The following IREB2 variants were observed in gnomAD, a reference collection of about 807,000 sequenced individuals.
The protein encoded by IREB2 is iron-responsive element-binding protein 2.
Under a neutral mutation model 118.8 loss-of-function variants are expected in IREB2, and 39 were observed. The observed-to-expected ratio is 0.33, with a 90% CI of 0.25 to 0.43. The LOEUF is 0.43. IREB2 is among the 20% of genes least tolerant of loss of function. The probability of loss-of-function intolerance (pLI) is 1.00; values close to 1 mark genes in which losing one functional copy is unlikely to be tolerated. For synonymous variants in IREB2, 372 were observed against 392.2 expected (o/e 0.95, Z 0.61); for missense variants, 900 against 1,147.3 (o/e 0.78, Z 3.11).
intron 2 of IREB2, among the ~76,000 whole-genome samples, chr15:78,443,593 G>A (rs1476211519): frequency 1.3e-5 from 2 of 151,828 alleles, no homozygotes; most frequent in South Asian, 4.2e-4. Flanking sequence ...TTTGCTTGTG[G>A]GGAATCTCCT....
intron 20 of IREB2, among the ~76,000 whole-genome samples, chr15:78,495,174 T>C (rs1285165374): frequency 6.6e-6 from 1 of 152,220 alleles, no homozygotes; most frequent in Non-Finnish European, 1.5e-5. Context: ...ACAGATACCA[T>C]GCAGGCCTCA....
At chr15:78,478,668 T>G (rs1468011135) in intron 10 of IREB2, among the ~76,000 whole-genome samples, 1 of 152,156 alleles carries the variant, frequency 6.6e-6, no homozygotes, top group East Asian at 1.9e-4. Flanking sequence ...ATTGTGCCAC[T>G]GCACTCTAGA....
Position 78,498,316 on chromosome 15 carries a change from T to A in IREB2, c.*173T>A. On this transcript the variant is annotated 3_prime_UTR_variant, in exon 22 of 22. Coordinates refer to ENST00000258886, the MANE Select transcript of IREB2 (RefSeq NM_004136.4). ...AACTGAAATGAAATCTTCTTGATTT[T>A]AAATAATATACGAATGGTGCTATTA... is the stretch of plus-strand genomic sequence containing the variant. The A allele has an allele frequency of 2.1e-6, 1 of 475,110 alleles. No homozygotes were observed. The highest frequency in any genetic ancestry group is 3.4e-5 in the South Asian group (1 of 29,580). The allele number at this position is 475,110 out of a possible 1,614,324, so 29.4% of individuals were successfully genotyped here.
intron 11 of IREB2, among the ~76,000 whole-genome samples, chr15:78,484,469 A>T (rs969839122): frequency 6.6e-6 from 1 of 152,172 alleles, no homozygotes; most frequent in African/African-American, 2.4e-5. Context: ...ATAAACAGGG[A>T]TGATTAAGAA....
intron 5 of IREB2, among the ~76,000 whole-genome samples, chr15:78,467,274 G>T (rs991932282): frequency 1.3e-5 from 2 of 151,046 alleles, no homozygotes; most frequent in East Asian, 1.9e-4. Context: ...TTCAAATCTA[G>T]TAAGTCCTTC....
At chr15:78,448,931 A>G (rs1465968832) in intron 2 of IREB2, among the ~76,000 whole-genome samples, 2 of 152,194 alleles carry the variant, frequency 1.3e-5, no homozygotes, top group African/African-American at 2.4e-5. Flanking sequence ...CCCTATGGGT[A>G]ATTTCTTCAC....
At chr15:78,484,279 T>G (rs1348426400) in intron 11 of IREB2, among the ~76,000 whole-genome samples, 1 of 152,178 alleles carries the variant, frequency 6.6e-6, no homozygotes, top group Non-Finnish European at 1.5e-5. Flanking sequence ...GTGTTAAACT[T>G]GTACAAAAAC....
At chr15:78,472,401 C>G (rs963546485) in intron 7 of IREB2, among the ~76,000 whole-genome samples, 1 of 150,722 alleles carries the variant, frequency 6.6e-6, no homozygotes, top group East Asian at 1.9e-4. Flanking sequence ...GCATCTTGCT[C>G]TGTCACCCAG....
rs189535848 is a variant in IREB2, at chr15:78,438,330, C to T, written c.-8C>T. ...CCCCTCCCCGGAGGGATAATATGGT[C>T]TCCGGCGATGGACGCCCCAAAAGCA... On this transcript the variant is annotated 5_prime_UTR_variant, in exon 1 of 22. Transcript: ENST00000258886. The T allele has an allele frequency of 3.4e-5, 54 of 1,591,422 alleles. No individual in the cohort carries two copies. The East Asian group carries it at 1.2e-3, about 35-fold the overall frequency.
chr15:78,460,756 T>C (rs572681320), intron 2 of IREB2, among the ~76,000 whole-genome samples: 15 of 152,124 alleles, frequency 9.9e-5, no homozygotes, highest in Non-Finnish European at 1.8e-4. Flanking sequence ...AAGAGAAAAA[T>C]AAATCATGAG....
chr15:78,469,800 T>A (rs904192949), intron 5 of IREB2, among the ~76,000 whole-genome samples: 4 of 152,154 alleles, frequency 2.6e-5, no homozygotes. Flanking sequence ...CACGTATAAT[T>A]TAAGTTATAT....
rs1302452369 is a variant in IREB2 at position 78,490,761 on chromosome 15, G to A, written c.2324G>A (p.Gly775Asp). The A allele has an allele frequency of 1.2e-6, 2 of 1,613,664 alleles. No individual in the cohort carries two copies. The highest frequency in any genetic ancestry group is 2.7e-5 in the African/African-American group (2 of 74,876). ...SAAAKYLTNR[G>D]LTPREFNSYG... is the part of the protein sequence containing the mutation. ...GCCGCTAAGTATTTGACAAACAGAG[G>A]GTATGTGTACATGGCTTTAGAGTGT... Residue 775 changes from glycine (G) to aspartate (D), a missense_variant and splice_region_variant, in exon 18 of 22, where the codon GGC becomes GAC. By Grantham distance (94) the Gly-to-Asp change is moderately conservative. Transcript: ENST00000258886.
At chr15:78,440,616 C>G (rs1390926499) in intron 2 of IREB2, among the ~76,000 whole-genome samples, 1 of 152,176 alleles carries the variant, frequency 6.6e-6, no homozygotes, top group Non-Finnish European at 1.5e-5. Context: ...ATGCATCTGC[C>G]TCAGCCTCAC....
chr15:78,467,206 C>T (rs1329156628), intron 5 of IREB2, among the ~76,000 whole-genome samples: 4 of 86,868 alleles, frequency 4.6e-5, no homozygotes, highest in Non-Finnish European at 1.0e-4. Flanking sequence ...GTGAGACTGT[C>T]GCAAAAAAAA....
intron 2 of IREB2, among the ~76,000 whole-genome samples, chr15:78,446,113 A>G (rs1247820043): frequency 6.6e-6 from 1 of 152,090 alleles, no homozygotes; most frequent in East Asian, 1.9e-4. Flanking sequence ...TTTTGACTGC[A>G]CTTGTCAGGA....
Position 78,438,462 on chromosome 15 carries a change from C to T in IREB2, c.19+106C>T, listed in dbSNP as rs570094634. The T allele has an allele frequency of 2.8e-5, 36 of 1,304,706 alleles. No homozygotes were observed. The Admixed American group carries it at 4.9e-4, about 18-fold the overall frequency. The allele number at this position is 1,304,706 out of a possible 1,614,324, so 80.8% of individuals were successfully genotyped here. On this transcript the variant is annotated intron_variant, in intron 1 of 21. Transcript: ENST00000258886. ...TGGAGTCGCTCGGCAGGCGCCCAGG[C>T]CCTCGGGGCTCGGGTTGTGCTCCCC...
At chr15:78,444,574 C>T (rs2050897743) in intron 2 of IREB2, among the ~76,000 whole-genome samples, 1 of 152,052 alleles carries the variant, frequency 6.6e-6, no homozygotes, top group Admixed American at 6.6e-5. Flanking sequence ...CAAATCCTAC[C>T]TTGCAGCCTT....
chr15:78,473,329 G>T lies in IREB2; in HGVS notation c.971G>T (p.Gly324Val). 6.2e-7 allele frequency: 1 copy of T among 1,613,728 alleles called. No homozygotes were observed. The highest frequency in any genetic ancestry group is 8.5e-7 in the Non-Finnish European group (1 of 1,179,738). Residue 324 changes from glycine to valine, a missense_variant, in exon 8 of 22, where the codon GGG becomes GTG. Transcript: ENST00000258886. ...LPEVVGCELT[G>V]SSNPFVTSID... is the part of the protein sequence containing the mutation. ...GAGGTGGTTGGATGTGAGTTAACTG[G>T]GTCATCAAACCCTTTTGTTACATCC...
intron 18 of IREB2, among the ~76,000 whole-genome samples, chr15:78,491,318 A>T (rs1254800139): frequency 6.6e-6 from 1 of 152,172 alleles, no homozygotes; most frequent in Non-Finnish European, 1.5e-5. Flanking sequence ...TCATTTCTAC[A>T]TGATTAATCA....
Sources: allele counts gnomAD v4.1 joint callset (sites outside exome capture counted in the v4.1 genomes callset), GRCh38; gene constraint gnomAD v4.1.1; transcripts MANE v1.5; gene names NCBI Gene and HGNC (gene_info 2026-07-23, HGNC 2026-07-21).